Variants in RAD50 observed in about 807,000 individuals in gnomAD.
RAD50 encodes RAD50 double strand break repair protein, also known as DNA repair protein RAD50.
In RAD50, 132 loss-of-function variants were observed where a neutral mutation model predicts 168.8. That is an observed-to-expected ratio of 0.78 (90% confidence interval 0.68 to 0.90). The LOEUF (loss-of-function observed/expected upper bound fraction) is 0.90, where lower values mean the gene tolerates loss of function less well. Among genes scored for constraint, RAD50 ranks in the 40% least tolerant of loss-of-function variants. The pLI is 0.00. For missense variants in RAD50, 1,347 were observed against 1,534.4 expected, an observed-to-expected ratio of 0.88 and a Z score of 2.04; for synonymous variants, 525 against 497.4, an observed-to-expected ratio of 1.06 and a Z score of -0.74.
intron 5 of RAD50, among the ~76,000 whole-genome samples, chr5:132,586,346 T>G (rs927459337): frequency 6.6e-6 from 1 of 152,192 alleles, no homozygotes; most frequent in African/African-American, 2.4e-5. Flanking sequence ...TATATACTTT[T>G]GTGAGGATTA....
Position 132,642,155 on chromosome 5 carries a change from A to G in RAD50, c.3753-23A>G, listed in dbSNP as rs778304356. 4.4e-6 allele frequency: 7 copies of G among 1,607,104 alleles called. No individual in the cohort carries two copies. The East Asian group carries it at 1.3e-4, about 31-fold the overall frequency. ...AGGGGTTATGCTCTTTACTAATAAT[A>G]TGTTCTGAATATATTGTTGCAGGAT... On this transcript the variant is annotated intron_variant, in intron 24 of 24. Coordinates refer to ENST00000378823, the MANE Select transcript of RAD50 (RefSeq NM_005732.4).
chr5:132,599,763 C>T (rs1561643738), intron 13 of RAD50, among the ~76,000 whole-genome samples: 1 of 151,906 alleles, frequency 6.6e-6, no homozygotes, highest in Non-Finnish European at 1.5e-5. Flanking sequence ...AAAGCAATTG[C>T]CTAAGAGTGC....
At position 132,583,763 on chromosome 5, in the gene RAD50, G is replaced by A. The variant is rs558300896; in HGVS notation, c.756+3697G>A. On this transcript the variant is annotated intron_variant, in intron 5 of 24. Coordinates refer to ENST00000378823, the MANE Select transcript of RAD50 (RefSeq NM_005732.4). Reference sequence around the variant, plus strand: ...GGCTGGAGTGCAATGGCATGATCTCGGCTCACTGCAACCTCCGTCTCCCAG... The same window carrying A: ...GGCTGGAGTGCAATGGCATGATCTCAGCTCACTGCAACCTCCGTCTCCCAG... 4.1e-5 allele frequency among the ~76,000 whole-genome samples: 6 copies of A among 146,902 alleles called. No individual in the cohort carries two copies. In the East Asian group the frequency reaches 8.1e-4, roughly 20 times the overall value.
chr5:132,560,437 T>C (rs78466809), intron 2 of RAD50, among the ~76,000 whole-genome samples: 3,585 of 152,284 alleles, frequency 0.024, 102 homozygotes, highest in African/African-American at 0.074. Context: ...TAGTATTTAG[T>C]ACATTTACTG....
chr5:132,633,510 G>C (rs968564917), intron 21 of RAD50, among the ~76,000 whole-genome samples: 1 of 151,822 alleles, frequency 6.6e-6, no homozygotes, highest in Non-Finnish European at 1.5e-5. Context: ...ATTTAGAAAG[G>C]CTTCCCAATC....
chr5:132,642,465 C>A lies in RAD50; in HGVS notation c.*101C>A, dbSNP rs1751751162. 3 of 1,099,858 alleles carry A rather than the reference C, an allele frequency of 2.7e-6. No individual in the cohort carries two copies. The highest frequency in any genetic ancestry group is 1.6e-5 in the African/African-American group (1 of 62,848). The allele number at this position is 1,099,858 out of a possible 1,614,324, so 68.1% of individuals were successfully genotyped here. A position where few individuals can be genotyped will look rare whatever the true frequency, so the allele number is the denominator to read the frequency against. On this transcript the variant is annotated 3_prime_UTR_variant, in exon 25 of 25. Coordinates refer to ENST00000378823, the MANE Select transcript of RAD50 (RefSeq NM_005732.4). ...AACTTAGTCAATAAGAAAATATATT[C>A]TTTCAAAGGAACATTGTGTCTAGGA...
Position 132,640,790 on chromosome 5 carries a change from C to T in RAD50, c.3737C>T (p.Ala1246Val), listed in dbSNP as rs1370560173. 6.2e-7 allele frequency: 1 copy of T among 1,613,208 alleles called. No individual in the cohort carries two copies. The highest frequency in any genetic ancestry group is 8.5e-7 in the Non-Finnish European group (1 of 1,179,470). ...NLDRENIESL[A>V]HALVEIIKSR... The stretch of plus-strand genomic sequence containing the variant: ...GACCGAGAAAACATTGAATCTCTTG[C>T]ACATGCTCTGGTTGAGTAAGTATCT... Residue 1246 changes from alanine (A) to valine (V), a missense_variant, in exon 24 of 25, where the codon GCA becomes GTA. By Grantham distance (64) the Ala-to-Val change is moderately conservative. This residue lies in a region of RAD50 where 635 missense variants were observed against 739.2 expected (regional missense o/e 0.86). Coordinates refer to ENST00000378823, the MANE Select transcript of RAD50 (RefSeq NM_005732.4).
chr5:132,558,668 G>A (rs1048256835), intron 1 of RAD50, among the ~76,000 whole-genome samples: 2 of 137,106 alleles, frequency 1.5e-5, no homozygotes, highest in African/African-American at 2.8e-5. Context: ...CCGAGATCAC[G>A]CCATTGCACT....
At chr5:132,584,906 GGACA>G (rs200726778) in intron 5 of RAD50, among the ~76,000 whole-genome samples, 8,525 of 143,510 alleles carry the variant, frequency 0.059, 765 homozygotes, top group African/African-American at 0.2. Context: ...GAGAACACTT[GGACA>G]GACACAGGAA....
chr5:132,607,599 C>A (rs560189294), intron 16 of RAD50, among the ~76,000 whole-genome samples: 13 of 152,196 alleles, frequency 8.5e-5, no homozygotes, highest in South Asian at 2.1e-4. Flanking sequence ...ATAGTACTTG[C>A]ATCTGTATAA....
rs587782637 is a variant in RAD50, at chr5:132,637,168, G to A, written c.3443G>A (p.Arg1148His). The stretch of plus-strand genomic sequence containing the variant: ...ATGGAAGAAATCAATAAAATTATAC[G>A]TGACCTGTGGCGAAGTACCTATCGT... The part of the protein sequence containing the change: ...MKMEEINKII[R>H]DLWRSTYRGQ... Residue 1148 changes from arginine (R) to histidine (H), a missense_variant, in exon 22 of 25, where the codon CGT becomes CAT. Physicochemically the swap from Arg to His is conservative, Grantham distance 29. Around this residue, in one of 3 missense-constraint regions of RAD50, gnomAD observed 635 missense variants for 739.2 expected, o/e 0.86. Transcript: ENST00000378823. The A allele has an allele frequency of 1.3e-5, 21 of 1,611,372 alleles. No homozygotes were observed. The highest frequency in any genetic ancestry group is 2.2e-5 in the East Asian group (1 of 44,712).
In RAD50 at chr5:132,642,300, A is replaced by ACAT. The variant is rs765370709; in HGVS notation, c.3877_3879dup (p.Ile1293dup). On this transcript the variant is annotated inframe_insertion, in exon 25 of 25. Transcript: ENST00000378823. ...GAGAAATTCTACAGGATTAAAAAGA[A>ACAT]CATCGATCAGTGCTCAGAGATTGTG... 7.6e-5 allele frequency: 122 copies of ACAT among 1,614,012 alleles called. 3 individuals are homozygous for ACAT. Among genetic ancestry groups the ACAT allele is most frequent in the South Asian group, 7.2e-4 (66 of 91,084 alleles).
At chr5:132,592,088 G>A (rs2149842825) in intron 11 of RAD50, 54 bp downstream of exon 11, 2 of 1,520,516 alleles carry the variant, frequency 1.3e-6, no homozygotes, top group Non-Finnish European at 1.8e-6. Flanking sequence ...ATGCTTACCT[G>A]TTTAATTGTT....
At chr5:132,589,885 T>G in intron 9 of RAD50, 48 bp downstream of exon 9, 1 of 1,495,630 alleles carries the variant, frequency 6.7e-7, no homozygotes, top group South Asian at 1.2e-5. Flanking sequence ...ATAATACTTT[T>G]AGAAGTATTT....
chr5:132,643,815 T>G lies in RAD50; in HGVS notation c.*1451T>G. Reference sequence around the variant, plus strand: ...AACATCCACAATAACCAAGATATTTTTATCCCAAGAATGCAAGATTTCAGA... The same window carrying G: ...AACATCCACAATAACCAAGATATTTGTATCCCAAGAATGCAAGATTTCAGA... On this transcript the variant is annotated 3_prime_UTR_variant, in exon 25 of 25. Transcript: ENST00000378823. 4.3e-6 allele frequency: 1 copy of G among 231,784 alleles called. No individual in the cohort carries two copies. The highest frequency in any genetic ancestry group is 8.5e-6 in the Non-Finnish European group (1 of 117,094). 14.4% of individuals were successfully genotyped at this position (231,784 alleles called of 1,614,324 possible).
intron 21 of RAD50, among the ~76,000 whole-genome samples, chr5:132,635,065 C>T (rs943307262): frequency 6.6e-6 from 1 of 152,130 alleles, no homozygotes; most frequent in African/African-American, 2.4e-5. Context: ...TGATAACATT[C>T]CCTCATAAAA....
At position 132,575,913 on chromosome 5, in the gene RAD50, T is replaced by A. The variant is rs1416692138; in HGVS notation, c.350T>A (p.Val117Asp). 6.2e-7 allele frequency: 1 copy of A among 1,610,242 alleles called. No individual in the cohort carries two copies. Among genetic ancestry groups the A allele is most frequent in the Non-Finnish European group, 8.5e-7 (1 of 1,176,836 alleles). Residue 117 changes from valine to aspartate, a missense_variant, in exon 3 of 25, where the codon GTC becomes GAC. By Grantham distance (152) the Val-to-Asp change is radical. Coordinates refer to ENST00000378823, the MANE Select transcript of RAD50 (RefSeq NM_005732.4). ...KKTEFKTLEG[V>D]ITRTKHGEKV... The stretch of plus-strand genomic sequence containing the variant: ...ACAGAATTTAAAACTCTGGAAGGAG[T>A]CATTACTAGAACAAAGTAGGTGTTT...
At chr5:132,639,264 A>T (rs1751662880) in intron 23 of RAD50, among the ~76,000 whole-genome samples, 1 of 151,276 alleles carries the variant, frequency 6.6e-6, no homozygotes, top group African/African-American at 2.4e-5. Flanking sequence ...GAGGCAGGAG[A>T]ATTGCTTGAA....
At chr5:132,590,098 A>G (rs996304790) in intron 9 of RAD50, among the ~76,000 whole-genome samples, 3 of 152,186 alleles carry the variant, frequency 2.0e-5, no homozygotes, top group Non-Finnish European at 4.4e-5. Flanking sequence ...TCCAAATCAA[A>G]ATCTCTGAGA....
Sources: allele counts gnomAD v4.1 joint callset (sites outside exome capture counted in the v4.1 genomes callset), GRCh38; gene constraint gnomAD v4.1.1; regional missense constraint gnomAD v4.1.1; transcripts MANE v1.5; gene names NCBI Gene and HGNC (gene_info 2026-07-23, HGNC 2026-07-21).